Variants in ACSS1 observed in about 807,000 individuals in gnomAD.
ACSS1 encodes the protein acetyl-coenzyme A synthetase 2-like, mitochondrial.
A neutral mutation model predicts 75.3 loss-of-function variants in ACSS1; 42 were observed. That is an observed-to-expected ratio of 0.56 (90% CI 0.44 to 0.72). The LOEUF (loss-of-function observed/expected upper bound fraction) is 0.72. Among genes scored for constraint, ACSS1 ranks in the 30% least tolerant of loss-of-function variants. The pLI is 0.00. For missense variants in ACSS1, 782 were observed against 935.7 expected, an observed-to-expected ratio of 0.84 and a Z score of 2.14; for synonymous variants, 380 against 376.8, an observed-to-expected ratio of 1.01 and a Z score of -0.10.
At chr20:25,013,078 C>G (rs557325536) in intron 10 of ACSS1, 139 bp from the exon 11 acceptor site, 2 of 1,321,634 alleles carry the variant, frequency 1.5e-6, no homozygotes, top group African/African-American at 1.5e-5. Flanking sequence ...CCGATGCTTC[C>G]CTATGTTCTA....
chr20:25,044,573 A>C (rs551078457), intron 2 of ACSS1, among the ~76,000 whole-genome samples: 1 of 152,176 alleles, frequency 6.6e-6, no homozygotes, highest in Admixed American at 6.5e-5. Context: ...TGACAGTACC[A>C]CTACACTCCA....
chr20:25,018,042 G>A (rs1264491247), intron 7 of ACSS1, among the ~76,000 whole-genome samples: 2 of 152,216 alleles, frequency 1.3e-5, no homozygotes, highest in East Asian at 1.9e-4. Context: ...AGCATGCCAA[G>A]AGAGACCACC....
rs1190634809 is a variant in ACSS1 at position 25,006,743 on chromosome 20, A to G, written c.*1019T>C. 2 of 1,391,528 alleles carry G rather than the reference A, an allele frequency of 1.4e-6. No homozygotes were observed. Among genetic ancestry groups the G allele is most frequent in the Admixed American group, 2.2e-5 (1 of 45,442 alleles). 86.2% of individuals were successfully genotyped at this position (1,391,528 alleles called of 1,614,324 possible). On this transcript the variant is annotated 3_prime_UTR_variant, in exon 14 of 14. Transcript: ENST00000323482. ...TTGACAGCACCTAAGTCACATTAAA[A>G]CAAAGAGAGACTGGATCCAGACCTC... is the stretch of plus-strand genomic sequence containing the variant.
At chr20:25,024,382 C>T (rs1291493302) in intron 3 of ACSS1, among the ~76,000 whole-genome samples, 2 of 152,172 alleles carry the variant, frequency 1.3e-5, no homozygotes, top group Admixed American at 6.5e-5. Context: ...CACGCTGTGC[C>T]CCAGTGCGGG....
chr20:25,007,324 C>T lies in ACSS1; in HGVS notation c.*438G>A. On this transcript the variant is annotated 3_prime_UTR_variant, in exon 14 of 14. Coordinates refer to ENST00000323482, the MANE Select transcript of ACSS1 (RefSeq NM_032501.4). ...CATGTGAGTGTTGCATGCTGTTCTT[C>T]CACAATATAAAAGTATAAAAATAAG... is the stretch of plus-strand genomic sequence containing the variant. 1 of 1,076,474 alleles carries T rather than the reference C, an allele frequency of 9.3e-7. No homozygotes were observed. Among genetic ancestry groups the T allele is most frequent in the Admixed American group, 4.8e-5 (1 of 21,046 alleles). 66.7% of individuals were successfully genotyped at this position (1,076,474 alleles called of 1,614,324 possible). A position where few individuals can be genotyped will look rare whatever the true frequency, so the allele number is the denominator to read the frequency against.
Position 25,035,414 on chromosome 20 carries a change from T to G in ACSS1, c.432-4456A>C, listed in dbSNP as rs2088893508. On this transcript the variant is annotated intron_variant, in intron 2 of 13. Coordinates refer to ENST00000323482, the MANE Select transcript of ACSS1 (RefSeq NM_032501.4). ...TCTCCCCATCTTTCCAGGTGACTTT[T>G]TTTTTTTTTGAGATAGAGTCTCACT... 2.0e-5 allele frequency among the ~76,000 whole-genome samples: 3 copies of G among 152,034 alleles called. No homozygotes were observed. In the South Asian group the frequency reaches 6.2e-4, roughly 32 times the overall value.
intron 3 of ACSS1, among the ~76,000 whole-genome samples, chr20:25,028,281 GA>G (rs2088762908): frequency 6.6e-6 from 1 of 152,060 alleles, no homozygotes; most frequent in South Asian, 2.1e-4. Context: ...GAAAATACAA[GA>G]AAGCAAGAAG....
chr20:25,007,632 G>T lies in ACSS1; in HGVS notation c.*130C>A. ...CTCAGCCCAGCTTCACGTGAGGGCG[G>T]TGTGGGTCATGTGTGGGGTGGGGGC... On this transcript the variant is annotated 3_prime_UTR_variant, in exon 14 of 14. Coordinates refer to ENST00000323482, the MANE Select transcript of ACSS1 (RefSeq NM_032501.4). 1 of 1,513,638 alleles carries T rather than the reference G, an allele frequency of 6.6e-7. No individual in the cohort carries two copies. The highest frequency in any genetic ancestry group is 1.3e-5 in the South Asian group (1 of 75,780). The allele number at this position is 1,513,638 out of a possible 1,614,324, so 93.8% of individuals were successfully genotyped here. A position where few individuals can be genotyped will look rare whatever the true frequency, so the allele number is the denominator to read the frequency against.
At chr20:25,023,320 C>G (rs2088658210) in intron 4 of ACSS1, 146 bp downstream of exon 4, 1 of 1,080,752 alleles carries the variant, frequency 9.3e-7, no homozygotes, top group South Asian at 1.6e-5. Flanking sequence ...TTTATCTTCC[C>G]AGTCAGGACT....
Position 25,022,933 on chromosome 20 carries a change from C to T in ACSS1, c.960+7G>A. 1 of 1,610,714 alleles carries T rather than the reference C, an allele frequency of 6.2e-7. No homozygotes were observed. The highest frequency in any genetic ancestry group is 8.5e-7 in the Non-Finnish European group (1 of 1,178,898). On this transcript the variant is annotated splice_region_variant and intron_variant, in intron 5 of 13. Transcript: ENST00000323482. ...AAGGGCCCAGCACCGCCCGCACAGG[C>T]CTGTACCTTGTGAGTCAGGGCGGCA...
intron 6 of ACSS1, 135 bp from the exon 7 acceptor site, chr20:25,020,282 C>G: frequency 1.7e-6 from 2 of 1,201,012 alleles, no homozygotes; most frequent in South Asian, 1.4e-5. Context: ...ATCCCCCCAA[C>G]CCCCCACCCC....
chr20:25,017,114 C>G (rs1012465837), intron 7 of ACSS1, among the ~76,000 whole-genome samples: 1 of 152,050 alleles, frequency 6.6e-6, no homozygotes, highest in Non-Finnish European at 1.5e-5. Context: ...ATCTCAGCCT[C>G]CCAAGTAGCC....
At chr20:25,035,964 A>G (rs559584524) in intron 2 of ACSS1, among the ~76,000 whole-genome samples, 53 of 152,372 alleles carry the variant, frequency 3.5e-4, no homozygotes, top group Non-Finnish European at 6.9e-4. Flanking sequence ...GCAGCCACTC[A>G]GTGACTGGTG....
intron 13 of ACSS1, 91 bp from the exon 14 acceptor site, chr20:25,008,032 A>AG: frequency 6.8e-7 from 1 of 1,462,204 alleles, no homozygotes; most frequent in African/African-American, 1.4e-5. Flanking sequence ...GGCTCTGCTC[A>AG]GGGGGGATGC....
At chr20:25,035,604 A>G (rs375096724) in intron 2 of ACSS1, among the ~76,000 whole-genome samples, 147 of 151,944 alleles carry the variant, frequency 9.7e-4, no homozygotes, top group African/African-American at 3.4e-3. Flanking sequence ...AGGTTTCACC[A>G]TGTTGGCCAG....
At chr20:25,008,838 C>T (rs374079272) in intron 13 of ACSS1, among the ~76,000 whole-genome samples, 1 of 152,210 alleles carries the variant, frequency 6.6e-6, no homozygotes, top group African/African-American at 2.4e-5. Flanking sequence ...CCTGCACATG[C>T]CAACATACGA....
chr20:25,046,917 G>T, intron 2 of ACSS1: 3 of 779,582 alleles, frequency 3.8e-6, no homozygotes, highest in Non-Finnish European at 7.2e-6. Context: ...AGTCTGGCTG[G>T]TGGGGGAGAC....
At position 25,009,402 on chromosome 20, in the gene ACSS1, C is replaced by T; in HGVS notation, c.1772-14G>A. ...AGGCAAAGGCAGCTGAAAATAAAGCCAAGTTTGGGGATGTATTAAATACTA... is the reference window on the plus strand; with the variant it reads ...AGGCAAAGGCAGCTGAAAATAAAGCTAAGTTTGGGGATGTATTAAATACTA... On this transcript the variant is annotated splice_polypyrimidine_tract_variant and intron_variant, in intron 12 of 13. Transcript: ENST00000323482. The T allele has an allele frequency of 6.2e-7, 1 of 1,604,272 alleles. No individual in the cohort carries two copies.
chr20:25,008,970 C>T (rs1002901341), intron 13 of ACSS1, among the ~76,000 whole-genome samples: 1 of 151,958 alleles, frequency 6.6e-6, no homozygotes, highest in Admixed American at 6.6e-5. Context: ...GGTGGCCTCC[C>T]AGACATGTGA....
Sources: allele counts gnomAD v4.1 joint callset (sites outside exome capture counted in the v4.1 genomes callset), GRCh38; gene constraint gnomAD v4.1.1; transcripts MANE v1.5; gene names NCBI Gene and HGNC (gene_info 2026-07-23, HGNC 2026-07-21).